The following DPP10 variants were observed in gnomAD, a reference collection of about 807,000 sequenced individuals.
DPP10 encodes the protein inactive dipeptidyl peptidase 10.
Under a neutral mutation model 120.9 loss-of-function variants are expected in DPP10, and 33 were observed. The ratio of observed to expected loss-of-function variants is 0.27; its 90% CI spans 0.21 to 0.37. DPP10 has a LOEUF of 0.37. DPP10 is among the 10% of genes least tolerant of loss of function. DPP10 has a pLI of 1.00. For synonymous variants in DPP10, 337 were observed against 326.1 expected (o/e 1.03, Z -0.36); for missense variants, 816 against 942.8 (o/e 0.87, Z 1.76).
chr2:115,341,883 TTAA>T (rs2063465345), intron 2 of DPP10, among the ~76,000 whole-genome samples: 1 of 152,212 alleles, frequency 6.6e-6, no homozygotes, highest in South Asian at 2.1e-4. Flanking sequence ...TTGGCAATTA[TTAA>T]TAAAGCTGCT....
chr2:115,415,839 TTTTATA>T (rs1184219507), intron 3 of DPP10, among the ~76,000 whole-genome samples: 1 of 43,524 alleles, frequency 2.3e-5, no homozygotes, highest in Admixed American at 3.3e-4. Flanking sequence ...CCTGATTTGC[TTTTATA>T]TATATATATA....
At chr2:114,448,355 G>A (rs1047934862) in intron 1 of DPP10, among the ~76,000 whole-genome samples, 1 of 152,118 alleles carries the variant, frequency 6.6e-6, no homozygotes, top group Non-Finnish European at 1.5e-5. Context: ...AGAAATTCAT[G>A]TTTTGGTCAG....
chr2:114,898,777 A>G (rs1693284180), intron 1 of DPP10, among the ~76,000 whole-genome samples: 1 of 152,130 alleles, frequency 6.6e-6, no homozygotes, highest in Admixed American at 6.5e-5. Context: ...GCTTTTAACC[A>G]TTTTCTCCAG....
Position 115,703,043 on chromosome 2 carries a change from A to G in DPP10, c.576+13122A>G, listed in dbSNP as rs2091955754. ...GATATAATTAATAAAAACAGAAAGT[A>G]TACTTATCTATAATTGTATCACGAA... is the stretch of plus-strand genomic sequence containing the variant. On this transcript the variant is annotated intron_variant, in intron 7 of 25. Coordinates refer to ENST00000410059, the MANE Select transcript of DPP10 (RefSeq NM_020868.6). 5.3e-5 allele frequency among the ~76,000 whole-genome samples: 8 copies of G among 152,138 alleles called. No homozygotes were observed. In the South Asian group the frequency reaches 1.7e-3, roughly 32 times the overall value.
chr2:114,640,628 C>T (rs1695637002), intron 1 of DPP10, among the ~76,000 whole-genome samples: 1 of 151,826 alleles, frequency 6.6e-6, no homozygotes, highest in African/African-American at 2.4e-5. Context: ...TCCTCCCTCC[C>T]CTTCATCAGG....
At chr2:114,501,947 T>TC (rs1553452136) in intron 1 of DPP10, among the ~76,000 whole-genome samples, 79 of 147,788 alleles carry the variant, frequency 5.3e-4, no homozygotes, top group African/African-American at 1.6e-3. Context: ...TTTTTTTTTT[T>TC]TTTTTTGAGA....
intron 1 of DPP10, among the ~76,000 whole-genome samples, chr2:115,159,225 G>A (rs1439139060): frequency 6.6e-6 from 1 of 152,080 alleles, no homozygotes; most frequent in Non-Finnish European, 1.5e-5. Flanking sequence ...CTGGGAGGCC[G>A]GGGTGGGCGG....
At chr2:114,928,491 G>A (rs1695810364) in intron 1 of DPP10, among the ~76,000 whole-genome samples, 1 of 152,142 alleles carries the variant, frequency 6.6e-6, no homozygotes, top group Admixed American at 6.5e-5. Flanking sequence ...GAAGAGGTGG[G>A]CTCCCAAGGC....
At chr2:115,041,301 G>T (rs1704626032) in intron 1 of DPP10, among the ~76,000 whole-genome samples, 1 of 152,058 alleles carries the variant, frequency 6.6e-6, no homozygotes, top group Non-Finnish European at 1.5e-5. Context: ...ACACGATGAT[G>T]CAATTTAACT....
At chr2:114,806,920 T>C (rs1284346270) in intron 1 of DPP10, among the ~76,000 whole-genome samples, 1 of 152,148 alleles carries the variant, frequency 6.6e-6, no homozygotes, top group African/African-American at 2.4e-5. Context: ...CAATCTCCTC[T>C]CACCGTCTGC....
intron 1 of DPP10, among the ~76,000 whole-genome samples, chr2:114,586,557 C>A (rs1208201285): frequency 6.6e-6 from 1 of 152,174 alleles, no homozygotes. Flanking sequence ...TAGTTAAGTA[C>A]TTGATAAATA....
intron 1 of DPP10, among the ~76,000 whole-genome samples, chr2:115,093,622 G>T (rs1236388799): frequency 3.3e-5 from 5 of 152,040 alleles, no homozygotes; most frequent in African/African-American, 1.2e-4. Context: ...ATAAATGAAT[G>T]ACAGCCACTG....
intron 1 of DPP10, among the ~76,000 whole-genome samples, chr2:115,269,183 G>A (rs2059589213): frequency 1.3e-5 from 2 of 152,088 alleles, no homozygotes; most frequent in Admixed American, 1.3e-4. Context: ...CTCAATAAGT[G>A]TTATTTGGGA....
intron 1 of DPP10, among the ~76,000 whole-genome samples, chr2:114,517,037 A>G (rs951630604): frequency 6.6e-6 from 1 of 152,054 alleles, no homozygotes; most frequent in South Asian, 2.1e-4. Flanking sequence ...TTTTTTTCTA[A>G]CTAACTTTAG....
chr2:115,180,015 A>G (rs966154629), intron 1 of DPP10, among the ~76,000 whole-genome samples: 4 of 152,156 alleles, frequency 2.6e-5, no homozygotes, highest in Non-Finnish European at 5.9e-5. Flanking sequence ...AGAAAAATCA[A>G]TTTTTTACAA....
intron 1 of DPP10, among the ~76,000 whole-genome samples, chr2:115,182,620 G>GACTT (rs1471819903): frequency 6.6e-6 from 1 of 152,118 alleles, no homozygotes; most frequent in Non-Finnish European, 1.5e-5. Flanking sequence ...CAATGCAAAG[G>GACTT]ACTTTAACGC....
intron 19 of DPP10, among the ~76,000 whole-genome samples, chr2:115,805,150 CT>C (rs1238333924): frequency 1.3e-5 from 2 of 152,166 alleles, no homozygotes; most frequent in African/African-American, 4.8e-5. Flanking sequence ...CTCCCCCAGC[CT>C]CACTGCCACC....
chr2:115,439,349 A>G (rs2071804229), intron 3 of DPP10, among the ~76,000 whole-genome samples: 1 of 152,216 alleles, frequency 6.6e-6, no homozygotes, highest in South Asian at 2.1e-4. Context: ...TTTAATGAGT[A>G]CGAAATTTCA....
At chr2:115,508,161 G>T (rs1479390988) in intron 4 of DPP10, among the ~76,000 whole-genome samples, 1 of 152,032 alleles carries the variant, frequency 6.6e-6, no homozygotes. Context: ...AAGCCTGGTT[G>T]AAAAAATCTT....
Sources: allele counts gnomAD v4.1 joint callset (sites outside exome capture counted in the v4.1 genomes callset), GRCh38; gene constraint gnomAD v4.1.1; transcripts MANE v1.5; gene names NCBI Gene and HGNC (gene_info 2026-07-23, HGNC 2026-07-21).